Variants in NCEH1 observed in about 807,000 individuals in gnomAD.
NCEH1 encodes neutral cholesterol ester hydrolase 1.
In NCEH1, 9 loss-of-function variants were observed where a neutral mutation model predicts 25.4. That is an observed-to-expected ratio of 0.35 (90% confidence interval 0.21 to 0.62). The LOEUF (loss-of-function observed/expected upper bound fraction) is 0.62, where lower values mean the gene tolerates loss of function less well. Ranked by LOEUF, NCEH1 falls within the 20% of genes least tolerant of loss-of-function variation. The pLI, the probability that NCEH1 is intolerant of heterozygous loss-of-function variation, is 0.72. For synonymous variants in NCEH1, 200 were observed against 199.8 expected, an observed-to-expected ratio of 1.00 and a Z score of -0.01; for missense variants, 412 against 501.1, an observed-to-expected ratio of 0.82 and a Z score of 1.70.
At chr3:172,693,029 C>T (rs1312818379) in intron 1 of NCEH1, among the ~76,000 whole-genome samples, 1 of 152,180 alleles carries the variant, frequency 6.6e-6, no homozygotes, top group Non-Finnish European at 1.5e-5. Flanking sequence ...CTCTGAGTTC[C>T]TCAGACTTAC....
intron 1 of NCEH1, among the ~76,000 whole-genome samples, chr3:172,690,207 A>AT (rs931656837): frequency 6.5e-4 from 99 of 152,202 alleles, no homozygotes; most frequent in African/African-American, 2.3e-3. Flanking sequence ...CCAGCCAAGC[A>AT]TTTTTTTAAA....
At chr3:172,649,541 T>C (rs1159699360) in intron 1 of NCEH1, among the ~76,000 whole-genome samples, 2 of 152,240 alleles carry the variant, frequency 1.3e-5, no homozygotes, top group Non-Finnish European at 2.9e-5. Flanking sequence ...CATGTGTACA[T>C]GCACATATGT....
At chr3:172,681,646 G>C (rs1466708354) in intron 1 of NCEH1, among the ~76,000 whole-genome samples, 1 of 151,262 alleles carries the variant, frequency 6.6e-6, no homozygotes, top group East Asian at 1.9e-4. Context: ...TCCCAACACT[G>C]TGGGAGGCCA....
chr3:172,679,291 G>A (rs625117), intron 1 of NCEH1, among the ~76,000 whole-genome samples: 60,024 of 152,084 alleles, frequency 0.39, 12,479 homozygotes, highest in East Asian at 0.61. Flanking sequence ...AACATGAAGT[G>A]TATTGATTTC....
At chr3:172,679,853 T>C (rs1309695998) in intron 1 of NCEH1, among the ~76,000 whole-genome samples, 1 of 152,052 alleles carries the variant, frequency 6.6e-6, no homozygotes, top group Non-Finnish European at 1.5e-5. Flanking sequence ...TCAAACATCA[T>C]AGTGAACCAC....
intron 1 of NCEH1, among the ~76,000 whole-genome samples, chr3:172,685,961 T>G (rs1281385283): frequency 1.3e-5 from 2 of 152,198 alleles, no homozygotes; most frequent in African/African-American, 4.8e-5. Context: ...GGACACAACT[T>G]TGCAATGAGA....
chr3:172,677,900 C>T (rs540911792), intron 1 of NCEH1, among the ~76,000 whole-genome samples: 127 of 152,344 alleles, frequency 8.3e-4, no homozygotes, highest in Non-Finnish European at 1.6e-3. Context: ...TGCACTCCAG[C>T]CTGGGCGACA....
intron 1 of NCEH1, among the ~76,000 whole-genome samples, chr3:172,690,928 T>C (rs1712999128): frequency 6.8e-6 from 1 of 147,934 alleles, no homozygotes. Context: ...AATTCAGTTC[T>C]AATTTGCTAA....
intron 1 of NCEH1, among the ~76,000 whole-genome samples, chr3:172,668,511 C>T (rs73040864): frequency 0.14 from 21,252 of 151,922 alleles, 1,660 homozygotes; most frequent in East Asian, 0.2. Context: ...CCTGCCACCA[C>T]ACCTGGCTAA....
rs1339105855 is a variant in NCEH1 at position 172,689,905 on chromosome 3, A to AT, written c.138+20941dup. Reference sequence around the variant, plus strand: ...TTTTTTATTTTTTATTATTTTATTTATTTATTTTTTTTTTTTGAGACGGAG... The same window carrying AT: ...TTTTTTATTTTTTATTATTTTATTTATTTTATTTTTTTTTTTTGAGACGGAG... On this transcript the variant is annotated intron_variant, in intron 1 of 4. Transcript: ENST00000475381. 7.3e-3 allele frequency among the ~76,000 whole-genome samples: 1,016 copies of AT among 139,520 alleles called. 8 individuals carry two copies. The highest frequency in any genetic ancestry group is 0.036 in the South Asian group (161 of 4,534). 91.5% of individuals were successfully genotyped at this position (139,520 alleles called of 152,430 possible).
At chr3:172,651,563 C>T (rs1560185288) in intron 1 of NCEH1, among the ~76,000 whole-genome samples, 1 of 144,304 alleles carries the variant, frequency 6.9e-6, no homozygotes, top group Non-Finnish European at 1.5e-5. Context: ...TTTGGAGAAT[C>T]TTTTTTTTTT....
intron 1 of NCEH1, among the ~76,000 whole-genome samples, chr3:172,698,781 C>T (rs543269316): frequency 6.6e-6 from 1 of 152,178 alleles, no homozygotes; most frequent in Admixed American, 6.6e-5. Flanking sequence ...GCGAGGCTTG[C>T]AAAACACAGT....
intron 1 of NCEH1, among the ~76,000 whole-genome samples, chr3:172,686,655 G>A (rs567669555): frequency 9.2e-5 from 14 of 152,316 alleles, no homozygotes; most frequent in African/African-American, 2.4e-5. Flanking sequence ...GGAGATTTGA[G>A]GTGAAGGCTC....
intron 1 of NCEH1, among the ~76,000 whole-genome samples, chr3:172,699,005 G>C (rs966651242): frequency 3.3e-5 from 5 of 152,184 alleles, no homozygotes; most frequent in African/African-American, 1.2e-4. Flanking sequence ...TCAATGATAG[G>C]AGAGAAAATT....
At chr3:172,709,447 G>A (rs1437159499) in intron 1 of NCEH1, among the ~76,000 whole-genome samples, 3 of 152,148 alleles carry the variant, frequency 2.0e-5, no homozygotes, top group Admixed American at 6.5e-5. Context: ...CAACAAGACT[G>A]ACTTTCTTGA....
At chr3:172,676,786 C>T (rs1461595575) in intron 1 of NCEH1, among the ~76,000 whole-genome samples, 2 of 152,202 alleles carry the variant, frequency 1.3e-5, no homozygotes, top group Non-Finnish European at 2.9e-5. Flanking sequence ...ATTTACACCT[C>T]TCTTGGTCCT....
At chr3:172,661,556 C>T (rs1717973504) in intron 1 of NCEH1, among the ~76,000 whole-genome samples, 1 of 152,116 alleles carries the variant, frequency 6.6e-6, no homozygotes, top group African/African-American at 2.4e-5. Flanking sequence ...TATAAATTTC[C>T]TTGGGCAGTA....
chr3:172,662,802 G>A (rs891770004), intron 1 of NCEH1, among the ~76,000 whole-genome samples: 6 of 152,164 alleles, frequency 3.9e-5, no homozygotes, highest in Admixed American at 1.3e-4. Flanking sequence ...CTGTGGGATC[G>A]GTGGTGATAT....
rs1173474762 is a variant in NCEH1 at position 172,660,964 on chromosome 3, C to T, written c.139-12850G>A. Reference sequence around the variant, plus strand: ...GGTAGTTTCTTTTGCTGTGCAGAAGCTCTTTAGTTTAATTAGATCCCATTT... The same window carrying T: ...GGTAGTTTCTTTTGCTGTGCAGAAGTTCTTTAGTTTAATTAGATCCCATTT... On this transcript the variant is annotated intron_variant, in intron 1 of 4. Transcript: ENST00000475381. Among the ~76,000 whole-genome samples, 8 of 152,172 alleles carry T rather than the reference C, an allele frequency of 5.3e-5. No homozygotes were observed. In the East Asian group the frequency reaches 1.5e-3, roughly 29 times the overall value.
Sources: allele counts gnomAD v4.1 joint callset (sites outside exome capture counted in the v4.1 genomes callset), GRCh38; gene constraint gnomAD v4.1.1; transcripts MANE v1.5; gene names NCBI Gene and HGNC (gene_info 2026-07-23, HGNC 2026-07-21).